The following WDTC1 variants were observed in gnomAD, a reference collection of about 807,000 sequenced individuals.
The protein encoded by WDTC1 is WD and tetratricopeptide repeats 1, also known as WD and tetratricopeptide repeats protein 1.
In WDTC1, 12 loss-of-function variants were observed where a neutral mutation model predicts 76.0. That is an observed-to-expected ratio of 0.16 (90% CI 0.10 to 0.26). The LOEUF (loss-of-function observed/expected upper bound fraction) is 0.26. Among genes scored for constraint, WDTC1 ranks in the 10% least tolerant of loss-of-function variants. The pLI, the probability that WDTC1 is intolerant of heterozygous loss-of-function variation, is 1.00. For missense variants in WDTC1, 511 were observed against 908.8 expected (o/e 0.56, Z 5.63); for synonymous variants, 326 against 350.8 (o/e 0.93, Z 0.79).
At chr1:27,300,641 G>T (rs1228965813) in intron 12 of WDTC1, among the ~76,000 whole-genome samples, 2 of 152,080 alleles carry the variant, frequency 1.3e-5, no homozygotes. Context: ...AGACTGTCAG[G>T]CCCCATCCTC....
Position 27,234,935 on chromosome 1 carries a change from G to T in WDTC1, c.-116G>T. On this transcript the variant is annotated 5_prime_UTR_variant, in exon 1 of 16. Transcript: ENST00000319394. ...CTGAAGTTGCGCCGCTGCCGGTCGG[G>T]GGAAGAGACCTGACAGGTACGGGTC... 1 of 394,108 alleles carries T rather than the reference G, an allele frequency of 2.5e-6. No homozygotes were observed. Among genetic ancestry groups the T allele is most frequent in the South Asian group, 1.3e-4 (1 of 7,816 alleles). 24.4% of individuals were successfully genotyped at this position (394,108 alleles called of 1,614,324 possible).
intron 2 of WDTC1, among the ~76,000 whole-genome samples, chr1:27,262,546 GC>G (rs2012515611): frequency 6.6e-6 from 1 of 152,028 alleles, no homozygotes; most frequent in Admixed American, 6.6e-5. Flanking sequence ...GTGCCACCAT[GC>G]CTGGCTAATT....
chr1:27,298,233 G>C, intron 12 of WDTC1, 122 bp downstream of exon 12: 1 of 1,287,182 alleles, frequency 7.8e-7, no homozygotes, highest in Non-Finnish European at 1.0e-6. Context: ...AGAACATATT[G>C]CTGCCTCTTA....
intron 7 of WDTC1, among the ~76,000 whole-genome samples, chr1:27,292,804 C>T (rs868377788): frequency 1.2e-4 from 17 of 143,494 alleles, no homozygotes; most frequent in Admixed American, 4.9e-4. Context: ...CTCTGTCACC[C>T]GTGTTGGAGC....
At chr1:27,283,587 T>C (rs2013253363) in intron 5 of WDTC1, 138 bp downstream of exon 5, 1 of 670,646 alleles carries the variant, frequency 1.5e-6, no homozygotes, top group African/African-American at 1.8e-5. Context: ...TCTAAGTATC[T>C]GTTGGTGATT....
intron 1 of WDTC1, among the ~76,000 whole-genome samples, chr1:27,253,138 A>T (rs926777757): frequency 9.3e-5 from 14 of 150,620 alleles, no homozygotes; most frequent in African/African-American, 2.9e-4. Context: ...CCTCCCAAGT[A>T]GCTGGGACTA....
chr1:27,293,902 G>A, intron 7 of WDTC1, 120 bp from the exon 8 acceptor site: 1 of 893,260 alleles, frequency 1.1e-6, no homozygotes, highest in South Asian at 1.6e-5. Context: ...CTTAGGTAAG[G>A]AGGAAAAATA....
At chr1:27,284,481 AC>A (rs1412318700) in intron 5 of WDTC1, among the ~76,000 whole-genome samples, 1 of 152,142 alleles carries the variant, frequency 6.6e-6, no homozygotes. Flanking sequence ...GTTTTCCTAA[AC>A]CCTTTTTTCT....
At chr1:27,247,841 C>A (rs1192218136) in intron 1 of WDTC1, among the ~76,000 whole-genome samples, 2 of 151,956 alleles carry the variant, frequency 1.3e-5, no homozygotes, top group Non-Finnish European at 2.9e-5. Context: ...GCCTCAGCCT[C>A]CCAAGTAGCT....
At chr1:27,293,720 C>G (rs1237062693) in intron 7 of WDTC1, among the ~76,000 whole-genome samples, 1 of 152,142 alleles carries the variant, frequency 6.6e-6, no homozygotes, top group African/African-American at 2.4e-5. Flanking sequence ...GTGACCACTG[C>G]TGCCCCTCAC....
Position 27,306,471 on chromosome 1 carries a change from TCCC to T in WDTC1, c.*90_*92del. 1 of 1,430,584 alleles carries T rather than the reference TCCC, an allele frequency of 7.0e-7. No individual in the cohort carries two copies. The highest frequency in any genetic ancestry group is 9.3e-7 in the Non-Finnish European group (1 of 1,072,212). The allele number at this position is 1,430,584 out of a possible 1,614,324, so 88.6% of individuals were successfully genotyped here. ...CAGGGGATTCTGTTTTGGTTTGTCTTCCCCACCACCCTTTTTTTTCATTTCCCC... is the reference window on the plus strand; with the variant it reads ...CAGGGGATTCTGTTTTGGTTTGTCTTCACCACCCTTTTTTTTCATTTCCCC... On this transcript the variant is annotated 3_prime_UTR_variant, in exon 16 of 16. Coordinates refer to ENST00000319394, the MANE Select transcript of WDTC1 (RefSeq NM_001276252.2). The surrounding 1 kb of genome is among the most constrained non-coding windows in gnomAD (Gnocchi z 5.0).
rs1346351650 is a variant in WDTC1 at position 27,307,743 on chromosome 1, T to C, written c.*1360T>C. The stretch of plus-strand genomic sequence containing the variant: ...TAAGAAGACAAGTGGAGGGTGAGGA[T>C]AGTGGTGGGGGGTCTGGCACCATCT... On this transcript the variant is annotated 3_prime_UTR_variant, in exon 16 of 16. Coordinates refer to ENST00000319394, the MANE Select transcript of WDTC1 (RefSeq NM_001276252.2). The surrounding 1 kb of genome is among the most constrained non-coding windows in gnomAD (Gnocchi z 4.1). 2 of 152,746 alleles carry C rather than the reference T, an allele frequency of 1.3e-5. No individual in the cohort carries two copies. The highest frequency in any genetic ancestry group is 2.9e-5 in the Non-Finnish European group (2 of 68,160). 9.5% of individuals were successfully genotyped at this position (152,746 alleles called of 1,614,324 possible). A position where few individuals can be genotyped will look rare whatever the true frequency, so the allele number is the denominator to read the frequency against.
intron 2 of WDTC1, 129 bp downstream of exon 2, chr1:27,261,231 C>A: frequency 1.0e-6 from 1 of 961,566 alleles, no homozygotes; most frequent in South Asian, 1.5e-5. Flanking sequence ...TAGTGGCAGA[C>A]CCAGGACTAG....
chr1:27,274,060 G>C lies in WDTC1; in HGVS notation c.133-8179G>C, dbSNP rs2147949723. Among the ~76,000 whole-genome samples, 1 of 152,210 alleles carries C rather than the reference G, an allele frequency of 6.6e-6. No individual in the cohort carries two copies. The highest frequency in any genetic ancestry group is 2.1e-4 in the South Asian group (1 of 4,822). ...GTAATCCTATCACTTTGGAGGCTGA[G>C]GTGGGAGGATCACTTGAGCCCAGAA... On this transcript the variant is annotated intron_variant, in intron 3 of 15. Coordinates refer to ENST00000319394, the MANE Select transcript of WDTC1 (RefSeq NM_001276252.2). The surrounding 1 kb of genome is among the most constrained non-coding windows in gnomAD (Gnocchi z 4.2).
upstream of WDTC1, chr1:27,234,458 C>T (rs2011440519): frequency 3.7e-6 from 1 of 273,104 alleles, no homozygotes; most frequent in Non-Finnish European, 6.9e-6. Flanking sequence ...GCGGGGCTCC[C>T]CCACTAGCAG....
At chr1:27,264,571 A>G (rs1432150402) in intron 3 of WDTC1, among the ~76,000 whole-genome samples, 2 of 151,782 alleles carry the variant, frequency 1.3e-5, no homozygotes, top group East Asian at 3.9e-4. Flanking sequence ...TGACATAGAG[A>G]CTCCATAATG....
intron 1 of WDTC1, among the ~76,000 whole-genome samples, chr1:27,245,559 G>T (rs28444779): frequency 0.022 from 3,107 of 143,894 alleles, 60 homozygotes; most frequent in South Asian, 0.046. Context: ...GTTTTTTTTG[G>T]TTTTTTTTTT....
chr1:27,276,449 C>T (rs1236074489), intron 3 of WDTC1, among the ~76,000 whole-genome samples: 1 of 152,110 alleles, frequency 6.6e-6, no homozygotes, highest in Non-Finnish European at 1.5e-5. Flanking sequence ...TAATCCCACA[C>T]TTTGGGAGGC....
chr1:27,302,176 C>T (rs1306760078), intron 13 of WDTC1, among the ~76,000 whole-genome samples: 1 of 152,208 alleles, frequency 6.6e-6, no homozygotes, highest in Non-Finnish European at 1.5e-5. Flanking sequence ...AGTTATCAGA[C>T]ACCTGCCATG....
Sources: gnomAD v4.1 joint callset for allele counts (sites outside exome capture counted in the v4.1 genomes callset) on GRCh38, gnomAD v4.1.1 for gene constraint, Gnocchi (gnomAD v3.1) non-coding constraint, MANE v1.5 for transcripts, NCBI Gene and HGNC (gene_info 2026-07-23, HGNC 2026-07-21) for gene names.